FBXO34: variants seen among roughly 807,000 people sequenced by gnomAD.
The protein encoded by FBXO34 is F-box only protein 34.
A neutral mutation model predicts 24.5 loss-of-function variants in FBXO34; 12 were observed. The observed-to-expected ratio is 0.49, with a 90% CI of 0.31 to 0.79. The LOEUF (loss-of-function observed/expected upper bound fraction) is 0.79. FBXO34 is among the 30% of genes least tolerant of loss of function. FBXO34 has a pLI of 0.04. For missense variants in FBXO34, 823 were observed against 857.7 expected (o/e 0.96, Z 0.51); for synonymous variants, 320 against 311.9 (o/e 1.03, Z -0.27).
chr14:55,394,294 C>T, the FBXO34 span, among the ~76,000 whole-genome samples: 2 of 152,136 alleles, frequency 1.3e-5, no homozygotes, highest in Admixed American at 6.5e-5. Flanking sequence ...CATGAGCCAA[C>T]GTGCCTGGCC....
At chr14:55,367,867 A>G (rs45470002) in exon 3 of FBXO34, 5,456 of 152,468 alleles carry the variant, frequency 0.036, 128 homozygotes, top group Non-Finnish European at 0.056. Context: ...CTCTACCCAA[A>G]ACTATACAAA....
Position 55,350,968 on chromosome 14 carries a change from G to A in FBXO34, c.578G>A (p.Ser193Asn), listed in dbSNP as rs767289548. The change falls in exon 2 of 2, where the codon AGT becomes AAT. Residue 193 changes from serine (S) to asparagine (N), a missense_variant. This residue lies in a region of FBXO34 where 693 missense variants were observed against 659.1 expected (regional missense o/e 1.05). Transcript: ENST00000313833. ...GAGCACTGTTCTGTGCACTATGTGA[G>A]TGACAGTGGGGATGGAGTCTATGCT... is the stretch of plus-strand genomic sequence containing the variant. The part of the protein sequence containing the change: ...GIEHCSVHYV[S>N]DSGDGVYAGR... The A allele has an allele frequency of 6.2e-7, 1 of 1,614,232 alleles. No homozygotes were observed. Among genetic ancestry groups the A allele is most frequent in the Non-Finnish European group, 8.5e-7 (1 of 1,180,044 alleles).
At chr14:55,400,629 G>A in the FBXO34 span, among the ~76,000 whole-genome samples, 2 of 152,118 alleles carry the variant, frequency 1.3e-5, no homozygotes, top group Non-Finnish European at 2.9e-5. Flanking sequence ...CTGGGCCGGT[G>A]CGGTGGCTCA....
chr14:55,384,203 A>G, the FBXO34 span, among the ~76,000 whole-genome samples: 1 of 152,222 alleles, frequency 6.6e-6, no homozygotes, highest in East Asian at 1.9e-4. Flanking sequence ...CATACACTAA[A>G]TAAAAGATTA....
intron 1 of FBXO34, among the ~76,000 whole-genome samples, chr14:55,291,807 G>GA (rs1881953402): frequency 6.6e-6 from 1 of 151,336 alleles, no homozygotes; most frequent in Non-Finnish European, 1.5e-5. Flanking sequence ...CCTGTCTTTA[G>GA]AAAAAAAATA....
At chr14:55,289,959 A>G (rs1881888682) in intron 1 of FBXO34, among the ~76,000 whole-genome samples, 1 of 152,182 alleles carries the variant, frequency 6.6e-6, no homozygotes. Flanking sequence ...GTGTATGAAG[A>G]GTGTATTTGT....
chr14:55,351,665 T>C lies in FBXO34; in HGVS notation c.1275T>C (p.Ser425=). 6.2e-7 allele frequency: 1 copy of C among 1,614,212 alleles called. No individual in the cohort carries two copies. Among genetic ancestry groups the C allele is most frequent in the Non-Finnish European group, 8.5e-7 (1 of 1,180,040 alleles). The change falls in exon 2 of 2, where the codon TCT becomes TCC. Residue 425 remains serine (S), a synonymous_variant. Coordinates refer to ENST00000313833, the MANE Select transcript of FBXO34 (RefSeq NM_017943.4). ...CCTCTCATACCTATTCCCAAGCCTC[T>C]GAATTGCCCACAGATGCTGTTGATT... The part of the protein sequence containing the change: ...PFSSHTYSQA[S]ELPTDAVDCM...
chr14:55,279,694 A>G (rs1594721105), intron 1 of FBXO34, among the ~76,000 whole-genome samples: 1 of 152,178 alleles, frequency 6.6e-6, no homozygotes, highest in South Asian at 2.1e-4. Context: ...TCATTTCTGA[A>G]TGAACCATTA....
intron 1 of FBXO34, among the ~76,000 whole-genome samples, chr14:55,294,843 T>A (rs1444687184): frequency 6.6e-6 from 1 of 152,164 alleles, no homozygotes; most frequent in Non-Finnish European, 1.5e-5. Flanking sequence ...TTGCTTTCAG[T>A]GGTGGTTTAG....
chr14:55,399,990 T>G, the FBXO34 span, among the ~76,000 whole-genome samples: 1 of 152,182 alleles, frequency 6.6e-6, no homozygotes, highest in Non-Finnish European at 1.5e-5. Flanking sequence ...TCCTAGTGTA[T>G]CAAATATTGA....
At chr14:55,335,471 T>C (rs1883743368) in intron 1 of FBXO34, 1 of 152,198 alleles carries the variant, frequency 6.6e-6, no homozygotes, top group Non-Finnish European at 1.5e-5. Flanking sequence ...TTATATTTCT[T>C]TTTAGATAAT....
chr14:55,353,795 TC>T (rs1884474419), downstream of FBXO34, among the ~76,000 whole-genome samples: 1 of 152,232 alleles, frequency 6.6e-6, no homozygotes, highest in African/African-American at 2.4e-5. Context: ...TGTCAGTTCT[TC>T]CGTTTGTTGT....
intron 1 of FBXO34, chr14:55,282,315 G>T: frequency 2.2e-6 from 1 of 456,888 alleles, no homozygotes; most frequent in Non-Finnish European, 4.4e-6. Context: ...TTGACTCTGT[G>T]CTTGTGCTTT....
In FBXO34 at chr14:55,322,115, G is replaced by T. The variant is rs571549988; in HGVS notation, c.-10-28266G>T. 5.3e-5 allele frequency among the ~76,000 whole-genome samples: 8 copies of T among 152,154 alleles called. No homozygotes were observed. The South Asian group carries it at 1.7e-3, about 32-fold the overall frequency. On this transcript the variant is annotated intron_variant, in intron 1 of 1. Transcript: ENST00000313833. ...AGGCGAGCGGATCACGAGGTCAGGA[G>T]ATCGAGACCACGGTGAAACCTCGTC...
At chr14:55,377,957 A>C in the FBXO34 span, 64 of 1,595,994 alleles carry the variant, frequency 4.0e-5, no homozygotes, top group Non-Finnish European at 4.7e-5. Flanking sequence ...ACAAAGTAAA[A>C]ATTAGTTCAC....
the FBXO34 span, among the ~76,000 whole-genome samples, chr14:55,385,040 T>G: frequency 6.6e-6 from 1 of 152,204 alleles, no homozygotes; most frequent in South Asian, 2.1e-4. Flanking sequence ...GTCACGGTAT[T>G]CAGTGCTTGA....
the FBXO34 span, among the ~76,000 whole-genome samples, chr14:55,426,630 C>T: frequency 7.3e-5 from 11 of 151,348 alleles, no homozygotes; most frequent in Admixed American, 2.0e-4. Flanking sequence ...GGCTGACAGC[C>T]GAATGGAGAG....
At chr14:55,436,685 C>T in the FBXO34 span, 5 of 1,614,208 alleles carry the variant, frequency 3.1e-6, no homozygotes, top group East Asian at 2.2e-5. Flanking sequence ...GAGTCAGTAT[C>T]ACCAGGGTGC....
At chr14:55,434,442 A>G in the FBXO34 span, among the ~76,000 whole-genome samples, 27 of 152,274 alleles carry the variant, frequency 1.8e-4, no homozygotes, top group Middle Eastern at 3.4e-3. Flanking sequence ...TCCCCGGTTA[A>G]GCTAGGAAGG....
Sources: gnomAD v4.1 joint callset for allele counts (sites outside exome capture counted in the v4.1 genomes callset) on GRCh38, gnomAD v4.1.1 for gene constraint, gnomAD v4.1.1 regional missense constraint, MANE v1.5 for transcripts, NCBI Gene and HGNC (gene_info 2026-07-23, HGNC 2026-07-21) for gene names.